Variants in TRPM5 observed in about 807,000 individuals in gnomAD.
The protein encoded by TRPM5 is transient receptor potential cation channel subfamily M member 5.
TRPM5 carries 121 observed loss-of-function variants against 124.9 expected under a neutral mutation model. The ratio of observed to expected loss-of-function variants is 0.97; its 90% CI spans 0.84 to 1.13. The LOEUF is 1.13. Among genes scored for constraint, TRPM5 ranks in the 50% most tolerant of loss-of-function variants. The probability of loss-of-function intolerance (pLI) is 0.00; values close to 1 mark genes in which losing one functional copy is unlikely to be tolerated. For missense variants in TRPM5, 1,643 were observed against 1,589.1 expected, an observed-to-expected ratio of 1.03 and a Z score of -0.58; for synonymous variants, 781 against 700.5, an observed-to-expected ratio of 1.11 and a Z score of -1.81.
At chr11:2,425,813 C>T (rs1198478473), upstream of TRPM5, among the ~76,000 whole-genome samples, 1 of 152,192 alleles carries the variant, frequency 6.6e-6, no homozygotes, top group African/African-American at 2.4e-5. Context: ...TGACCCTCAG[C>T]CTGGGGGACG....
At chr11:2,405,036 C>T in exon 24 of TRPM5, 1 of 1,612,284 alleles carries the variant, frequency 6.2e-7, no homozygotes, top group South Asian at 1.1e-5. Flanking sequence ...CGCCACAGTG[C>T]TGAGAGCCTG....
At chr11:2,423,999 T>G (rs1845811208), upstream of TRPM5, among the ~76,000 whole-genome samples, 2 of 152,144 alleles carry the variant, frequency 1.3e-5, no homozygotes, top group Non-Finnish European at 1.5e-5. Context: ...GGGCACCTGC[T>G]CCTCTGTCTG....
At chr11:2,412,153 A>G (rs1565008990) in exon 16 of TRPM5, 2 of 1,613,414 alleles carry the variant, frequency 1.2e-6, no homozygotes, top group Non-Finnish European at 8.5e-7. Context: ...GACACCCACG[A>G]TGAACAGGAA....
chr11:2,436,698 A>G, the TRPM5 span, among the ~76,000 whole-genome samples: 30 of 152,230 alleles, frequency 2.0e-4, no homozygotes, highest in Non-Finnish European at 4.4e-5. Context: ...GCTGAAGCCA[A>G]CCTCCCACAC....
chr11:2,418,037 A>T, intron 6 of TRPM5, 130 bp downstream of exon 11: 1 of 1,003,406 alleles, frequency 1.0e-6, no homozygotes, highest in Non-Finnish European at 1.4e-6. Context: ...CTGAAGCGAG[A>T]GTGGGTGGGG....
At chr11:2,417,441 C>G (rs186643332) in intron 7 of TRPM5, among the ~76,000 whole-genome samples, 1 of 152,134 alleles carries the variant, frequency 6.6e-6, no homozygotes, top group Non-Finnish European at 1.5e-5. Flanking sequence ...GGCGACAGTG[C>G]GAGACTCCGT....
rs146740099 is a variant in TRPM5 at position 2,411,645 on chromosome 11, A to G, written c.2597T>C (p.Val866Ala). The G allele has an allele frequency of 8.7e-6, 14 of 1,612,192 alleles. No homozygotes were observed. The highest frequency in any genetic ancestry group is 1.2e-5 in the Non-Finnish European group (14 of 1,179,800). The change falls in exon 17 of 24, where the codon GTA becomes GCA. Residue 866 changes from valine to alanine, a missense_variant. Val to Ala is a moderately conservative substitution (Grantham distance 64). Coordinates refer to ENST00000155858, the Ensembl canonical transcript of TRPM5. ...CCCCCGGGGGCTCACCATGCGCTCTACCACGATGATCTTGGGGCCCAGCTG... is the reference window on the plus strand; with the variant it reads ...CCCCCGGGGGCTCACCATGCGCTCTGCCACGATGATCTTGGGGCCCAGCTG...
chr11:2,409,233 C>T (rs747428313), intron 18 of TRPM5, among the ~76,000 whole-genome samples: 12 of 152,254 alleles, frequency 7.9e-5, no homozygotes, highest in Admixed American at 3.3e-4. Context: ...CTCCTCTGTC[C>T]GCCCTGGCCA....
exon 9 of TRPM5, chr11:2,415,135 C>G (rs761940712): frequency 1.9e-6 from 3 of 1,569,742 alleles, no homozygotes; most frequent in Non-Finnish European, 1.7e-6. Flanking sequence ...CTCCTGCGGT[C>G]CCCTGGCCGG....
chr11:2,422,893 C>A, intron 1 of TRPM5, 27 bp downstream of exon 6: 1 of 1,591,774 alleles, frequency 6.3e-7, no homozygotes, highest in Non-Finnish European at 8.6e-7. Context: ...AGGCGGACAT[C>A]ACCTGAGGCC....
At chr11:2,429,472 A>AT in the TRPM5 span, among the ~76,000 whole-genome samples, 1 of 150,256 alleles carries the variant, frequency 6.7e-6, no homozygotes, top group Non-Finnish European at 1.5e-5. The surrounding 1 kb of genome is among the most constrained non-coding windows in gnomAD (Gnocchi z 8.4). Context: ...GATGGAGACG[A>AT]TGATGGTGAT....
chr11:2,438,429 C>A, the TRPM5 span, among the ~76,000 whole-genome samples: 1 of 152,182 alleles, frequency 6.6e-6, no homozygotes, highest in African/African-American at 2.4e-5. This position sits in a 1 kb window ranked among gnomAD's most constrained non-coding sequence, Gnocchi z 5.9. Context: ...TTTTGGGAGG[C>A]TGAAGCGAGC....
chr11:2,436,043 C>A, the TRPM5 span, among the ~76,000 whole-genome samples: 1 of 152,264 alleles, frequency 6.6e-6, no homozygotes, highest in South Asian at 2.1e-4. Context: ...ATCCTCGAGG[C>A]CAGGAGCCTC....
the TRPM5 span, among the ~76,000 whole-genome samples, chr11:2,444,427 T>A: frequency 6.6e-6 from 1 of 151,412 alleles, no homozygotes; most frequent in Non-Finnish European, 1.5e-5. Flanking sequence ...CGGCCAGGCC[T>A]TACCCCTTCC....
At chr11:2,417,890 C>G in intron 6 of TRPM5, 61 bp from the exon 12 acceptor site, 2 of 1,452,120 alleles carry the variant, frequency 1.4e-6, no homozygotes, top group Non-Finnish European at 1.9e-6. Flanking sequence ...CAGAGGCAGG[C>G]CGTGGTAGAC....
chr11:2,420,416 G>T lies in TRPM5; in HGVS notation c.466-11C>A, dbSNP rs11607968. 443,536 of 1,597,264 alleles carry T rather than the reference G, an allele frequency of 0.28. 63,551 individuals carry two copies. The highest frequency in any genetic ancestry group is 0.42 in the Middle Eastern group (2,460 of 5,860). On this transcript the variant is annotated splice_polypyrimidine_tract_variant and intron_variant, in intron 3 of 23. Transcript: ENST00000155858. ...GACAGGAAAATCCTCCTGCGCCCAT[G>T]CAGGGAGACGAGGCTGAGCCCTCGA... is the stretch of plus-strand genomic sequence containing the variant.
chr11:2,436,111 AG>A, the TRPM5 span, among the ~76,000 whole-genome samples: 2 of 152,194 alleles, frequency 1.3e-5, no homozygotes, highest in Non-Finnish European at 2.9e-5. Context: ...GGAATTCAGT[AG>A]GTGCCCAATA....
Position 2,415,114 on chromosome 11 carries a change from C to G in TRPM5, c.1479+7G>C, listed in dbSNP as rs368741297. The G allele has an allele frequency of 5.1e-5, 80 of 1,568,092 alleles. No homozygotes were observed. Among genetic ancestry groups the G allele is most frequent in the Middle Eastern group, 1.7e-4 (1 of 5,924 alleles). ...TCGCCCTCCATCCCCACGGAGCCCCCGCTCACCGCCCTCCTGCGGTCCCCT... is the reference window on the plus strand; with the variant it reads ...TCGCCCTCCATCCCCACGGAGCCCCGGCTCACCGCCCTCCTGCGGTCCCCT... On this transcript the variant is annotated splice_region_variant and intron_variant, in intron 9 of 23. Coordinates refer to ENST00000155858, the Ensembl canonical transcript of TRPM5.
intron 11 of TRPM5, 30 bp from the exon 17 acceptor site, chr11:2,414,236 G>T: frequency 6.3e-7 from 1 of 1,595,392 alleles, no homozygotes; most frequent in Non-Finnish European, 8.5e-7. Context: ...CCGCTAGGAC[G>T]AGACGCCGAT....
Sources: gnomAD v4.1 joint callset for allele counts (sites outside exome capture counted in the v4.1 genomes callset) on GRCh38, gnomAD v4.1.1 for gene constraint, Gnocchi (gnomAD v3.1) non-coding constraint, MANE v1.5 for transcripts, NCBI Gene and HGNC (gene_info 2026-07-23, HGNC 2026-07-21) for gene names.